Variants in TAF1 observed in about 807,000 individuals in gnomAD.
TAF1 encodes the protein TATA-box binding protein associated factor 1, also known as transcription initiation factor TFIID subunit 1.
TAF1 carries 2 observed loss-of-function variants against 138.5 expected under a neutral mutation model. The observed-to-expected ratio is 0.01, with a 90% CI of 0.01 to 0.05. The LOEUF is 0.05. Ranked by LOEUF, TAF1 falls within the 10% of genes least tolerant of loss-of-function variation. The pLI is 1.00. For synonymous variants in TAF1, 437 were observed against 503.2 expected, an observed-to-expected ratio of 0.87 and a Z score of 1.76; for missense variants, 709 against 1,478.0, an observed-to-expected ratio of 0.48 and a Z score of 8.53.
chrX:71,492,914 C>T (rs1474069053), intron 13 of TAF1: 3 of 113,234 alleles, frequency 2.6e-5, no homozygotes, highest in Non-Finnish European at 1.9e-5. Flanking sequence ...AGCCCAGGCC[C>T]CCAGCCCCCA....
intron 13 of TAF1, among the ~76,000 whole-genome samples, chrX:71,524,724 C>CTT (rs1349171095): frequency 1.8e-5 from 2 of 109,064 alleles, no homozygotes; most frequent in Non-Finnish European, 3.8e-5. Flanking sequence ...GGGCGGATCA[C>CTT]GAGGTCAGGA....
At position 71,367,636 on chromosome X, in the gene TAF1, T is replaced by C. The variant is rs1187256892; in HGVS notation, c.235+23T>C. 4 of 1,200,630 alleles carry C rather than the reference T, an allele frequency of 3.3e-6. No individual in the cohort carries two copies. The South Asian group carries it at 7.1e-5, about 21-fold the overall frequency. On this transcript the variant is annotated intron_variant, in intron 2 of 37. Transcript: ENST00000423759. ...AAGGTGAAGTCTGGGTTGTGGGGAGTAGGCGGGGGAGGAGGCTAGCCACCT... is the reference window on the plus strand; with the variant it reads ...AAGGTGAAGTCTGGGTTGTGGGGAGCAGGCGGGGGAGGAGGCTAGCCACCT...
chrX:71,386,817 C>T (rs893189721), intron 14 of TAF1, among the ~76,000 whole-genome samples: 2 of 112,948 alleles, frequency 1.8e-5, no homozygotes, highest in Non-Finnish European at 3.7e-5. Flanking sequence ...GTTGCTCTCA[C>T]ACGTTGTGTG....
At chrX:71,486,462 A>G (rs2039174052) in intron 13 of TAF1, among the ~76,000 whole-genome samples, 1 of 109,088 alleles carries the variant, frequency 9.2e-6, no homozygotes, top group Non-Finnish European at 1.9e-5. Flanking sequence ...GGCTCAAGCA[A>G]TCCTCCCACC....
chrX:71,381,516 C>T (rs1012794990), intron 8 of TAF1, among the ~76,000 whole-genome samples: 3 of 111,730 alleles, frequency 2.7e-5, no homozygotes, highest in East Asian at 2.8e-4. Context: ...CCACCTGCCT[C>T]GGCCTCCCAA....
chrX:71,387,063 C>A (rs2034273324), intron 14 of TAF1, 198 bp from the exon 15 acceptor site: 1 of 434,239 alleles, frequency 2.3e-6, no homozygotes, highest in Non-Finnish European at 3.9e-6. Flanking sequence ...TTCTCCCCTA[C>A]TGACTCTGAA....
intron 17 of TAF1, 25 bp downstream of exon 17, chrX:71,388,893 A>G: frequency 8.5e-7 from 1 of 1,170,322 alleles, no homozygotes; most frequent in Non-Finnish European, 1.1e-6. Flanking sequence ...CTTAGACACC[A>G]CTTATGCCTG....
intron 13 of TAF1, among the ~76,000 whole-genome samples, chrX:71,501,959 G>A (rs1040693243): frequency 2.7e-5 from 3 of 111,333 alleles, no homozygotes; most frequent in Non-Finnish European, 3.8e-5. Context: ...TCTTGGTCTC[G>A]CTGACTTCAA....
intron 13 of TAF1, among the ~76,000 whole-genome samples, chrX:71,502,724 G>A (rs1014867189): frequency 1.8e-5 from 2 of 111,320 alleles, no homozygotes; most frequent in African/African-American, 3.3e-5. Flanking sequence ...GATCTCCTGC[G>A]GCCAGGAGTT....
At chrX:71,396,447 TACC>T (rs1481678886) in intron 22 of TAF1, among the ~76,000 whole-genome samples, 1 of 108,074 alleles carries the variant, frequency 9.3e-6, no homozygotes, top group Non-Finnish European at 1.9e-5. Flanking sequence ...CACAGGTGTG[TACC>T]ACCACACCTG....
chrX:71,455,923 C>G, intron 34 of TAF1, among the ~76,000 whole-genome samples: 1 of 110,945 alleles, frequency 9.0e-6, no homozygotes, highest in Non-Finnish European at 1.9e-5. Context: ...ATCTTTTACT[C>G]TCTCTTTCAT....
intron 24 of TAF1, among the ~76,000 whole-genome samples, chrX:71,399,567 C>CTT (rs35622645): frequency 1.0e-3 from 29 of 28,895 alleles, no homozygotes; most frequent in African/African-American, 1.4e-3. Flanking sequence ...GTTATTTATT[C>CTT]TTTTTTTTTT....
chrX:71,385,585 A>G (rs1409062647), intron 14 of TAF1, among the ~76,000 whole-genome samples: 1 of 110,704 alleles, frequency 9.0e-6, no homozygotes, highest in Non-Finnish European at 1.9e-5. Flanking sequence ...GAAAATCTCT[A>G]GCACTCTCCC....
chrX:71,374,576 A>T (rs1243523404), intron 3 of TAF1, among the ~76,000 whole-genome samples: 2 of 110,993 alleles, frequency 1.8e-5, no homozygotes, highest in African/African-American at 6.5e-5. Context: ...CCTCCTGAGT[A>T]GCTGGTACTA....
rs1371327145 is a variant in TAF1, at chrX:71,387,152, A to G, written c.2227-109A>G. ...ATTTGTATTACTGGATAGACCTTAG[A>G]TGGCGTAATTAAGATGGAGAGCAAT... On this transcript the variant is annotated intron_variant, in intron 14 of 37. Transcript: ENST00000423759. 9.0e-6 allele frequency: 7 copies of G among 777,733 alleles called. No homozygotes were observed. In the African/African-American group the frequency reaches 1.0e-4, roughly 12 times the overall value. 64.1% of individuals were successfully genotyped at this position (777,733 alleles called of 1,213,427 possible).
intron 13 of TAF1, among the ~76,000 whole-genome samples, chrX:71,512,301 C>T (rs749981864): frequency 9.0e-6 from 1 of 111,267 alleles, no homozygotes; most frequent in Non-Finnish European, 1.9e-5. Context: ...AGCGACAGTG[C>T]GAGACTCTGT....
chrX:71,510,332 C>T (rs1485374729), intron 13 of TAF1, among the ~76,000 whole-genome samples: 1 of 108,894 alleles, frequency 9.2e-6, no homozygotes, highest in Non-Finnish European at 1.9e-5. Flanking sequence ...ACTGGAAATT[C>T]CCTAGTAGAA....
intron 22 of TAF1, among the ~76,000 whole-genome samples, chrX:71,395,706 A>G (rs2034809077): frequency 9.0e-6 from 1 of 111,500 alleles, no homozygotes. Flanking sequence ...AGTTTTGTGT[A>G]ATTTCATTGT....
At chrX:71,398,344 GA>G (rs1204823703) in intron 23 of TAF1, among the ~76,000 whole-genome samples, 110 of 72,459 alleles carry the variant, frequency 1.5e-3, no homozygotes, top group African/African-American at 2.9e-3. Flanking sequence ...TCTCAAGAAA[GA>G]AAAAAAAAAA....
Sources: gnomAD v4.1 joint callset for allele counts (sites outside exome capture counted in the v4.1 genomes callset) on GRCh38, gnomAD v4.1.1 for gene constraint, MANE v1.5 for transcripts, NCBI Gene and HGNC (gene_info 2026-07-23, HGNC 2026-07-21) for gene names.